GRM7: variants seen among roughly 807,000 people sequenced by gnomAD.
GRM7 encodes glutamate metabotropic receptor 7.
Under a neutral mutation model 84.5 loss-of-function variants are expected in GRM7, and 35 were observed. That is an observed-to-expected ratio of 0.41 (90% CI 0.32 to 0.55). GRM7 has a LOEUF of 0.55. GRM7 is among the 20% of genes least tolerant of loss of function. The pLI, the probability that GRM7 is intolerant of heterozygous loss-of-function variation, is 0.19. For missense variants in GRM7, 1,003 were observed against 1,194.6 expected (o/e 0.84, Z 2.36); for synonymous variants, 487 against 455.1 (o/e 1.07, Z -0.89).
At chr3:7,195,973 T>G (rs138600923) in intron 2 of GRM7, among the ~76,000 whole-genome samples, 2,085 of 152,230 alleles carry the variant, frequency 0.014, 40 homozygotes, top group African/African-American at 0.046. Context: ...ACAGGTATAC[T>G]TGTATATCTA....
chr3:7,600,349 G>T (rs1460587465), intron 8 of GRM7, among the ~76,000 whole-genome samples: 3 of 152,096 alleles, frequency 2.0e-5, no homozygotes, highest in African/African-American at 7.2e-5. Context: ...TCTCATTTTA[G>T]ATCCCAGGGG....
At chr3:6,966,073 G>A (rs761818239) in intron 1 of GRM7, among the ~76,000 whole-genome samples, 12 of 152,156 alleles carry the variant, frequency 7.9e-5, no homozygotes, top group Non-Finnish European at 1.6e-4. Context: ...CACATATCAC[G>A]AGTGCTATAC....
chr3:6,998,392 G>A (rs1410382478), intron 1 of GRM7, among the ~76,000 whole-genome samples: 1 of 152,198 alleles, frequency 6.6e-6, no homozygotes, highest in East Asian at 1.9e-4. Flanking sequence ...CCCCCCCAAA[G>A]TTGCTTTCAT....
rs114624642 is a variant in GRM7 at position 7,615,449 on chromosome 3, A to C, written c.2451+36092A>C. Among the ~76,000 whole-genome samples the C allele has an allele frequency of 3.1e-3, 477 of 152,034 alleles. 2 individuals are homozygous for C. Among genetic ancestry groups the C allele is most frequent in the Non-Finnish European group, 5.7e-3 (388 of 68,018 alleles). ...TTTACTCTGCCATTAAAACCTCTACACTAAATTCTAAATTTGTTGCCGTTT... is the reference window on the plus strand; with the variant it reads ...TTTACTCTGCCATTAAAACCTCTACCCTAAATTCTAAATTTGTTGCCGTTT... On this transcript the variant is annotated intron_variant, in intron 8 of 9. Coordinates refer to ENST00000357716, the MANE Select transcript of GRM7 (RefSeq NM_000844.4).
intron 8 of GRM7, among the ~76,000 whole-genome samples, chr3:7,656,948 T>G (rs982101346): frequency 2.6e-5 from 4 of 152,202 alleles, no homozygotes; most frequent in Admixed American, 1.3e-4. Flanking sequence ...CTTATGCTAC[T>G]GAAAACATAG....
intron 1 of GRM7, among the ~76,000 whole-genome samples, chr3:6,905,194 A>G (rs942209048): frequency 2.6e-5 from 4 of 152,190 alleles, no homozygotes; most frequent in African/African-American, 9.7e-5. Context: ...CTTATAGATT[A>G]ATATAAGGAG....
intron 2 of GRM7, among the ~76,000 whole-genome samples, chr3:7,200,551 A>G (rs925389790): frequency 6.6e-6 from 1 of 152,186 alleles, no homozygotes; most frequent in Non-Finnish European, 1.5e-5. Flanking sequence ...TCCTTGGATC[A>G]TTCTTGGCTC....
intron 5 of GRM7, among the ~76,000 whole-genome samples, chr3:7,439,040 T>C (rs1373366578): frequency 6.6e-6 from 1 of 152,182 alleles, no homozygotes; most frequent in Non-Finnish European, 1.5e-5. Flanking sequence ...TGGTTGATAG[T>C]TAATGTCATT....
chr3:7,021,201 G>A (rs945877725), intron 1 of GRM7, among the ~76,000 whole-genome samples: 2 of 152,166 alleles, frequency 1.3e-5, no homozygotes, highest in Non-Finnish European at 2.9e-5. Flanking sequence ...TGACATTCAG[G>A]CAACATATAT....
chr3:7,459,082 C>G (rs977586845), intron 6 of GRM7, among the ~76,000 whole-genome samples: 1 of 152,098 alleles, frequency 6.6e-6, no homozygotes, highest in Admixed American at 6.6e-5. Context: ...TAAGAGATCC[C>G]TATTATGATA....
chr3:7,059,920 T>C (rs1697373421), intron 1 of GRM7, among the ~76,000 whole-genome samples: 1 of 151,830 alleles, frequency 6.6e-6, no homozygotes, highest in South Asian at 2.1e-4. Context: ...CTGTTGTTTA[T>C]AAGCTACCCA....
At chr3:6,927,705 A>G (rs17046378) in intron 1 of GRM7, among the ~76,000 whole-genome samples, 2,482 of 152,276 alleles carry the variant, frequency 0.016, 80 homozygotes, top group African/African-American at 0.055. Context: ...TAATGTTAAG[A>G]TATGCTGTTT....
intron 2 of GRM7, among the ~76,000 whole-genome samples, chr3:7,209,157 A>T (rs1190875588): frequency 6.6e-6 from 1 of 152,202 alleles, no homozygotes; most frequent in East Asian, 1.9e-4. Context: ...ATCTCATATA[A>T]TTTATTGAAT....
At chr3:7,566,378 A>G (rs1694269534) in intron 7 of GRM7, among the ~76,000 whole-genome samples, 1 of 152,234 alleles carries the variant, frequency 6.6e-6, no homozygotes, top group Admixed American at 6.5e-5. Context: ...AAATAAATTT[A>G]AAATAACCCA....
chr3:7,298,858 AT>A (rs757895738), intron 3 of GRM7, 33 bp downstream of exon 3: 10 of 1,584,430 alleles, frequency 6.3e-6, no homozygotes, highest in Non-Finnish European at 7.8e-6. Context: ...GTTAATATGC[AT>A]GTTGCAATTT....
chr3:7,353,344 T>C (rs1693244077), intron 4 of GRM7, among the ~76,000 whole-genome samples: 1 of 152,026 alleles, frequency 6.6e-6, no homozygotes, highest in African/African-American at 2.4e-5. Flanking sequence ...GGGTGTGGGA[T>C]AATAGTGGAA....
chr3:7,382,996 C>G (rs1016905345), intron 4 of GRM7, among the ~76,000 whole-genome samples: 1 of 152,054 alleles, frequency 6.6e-6, no homozygotes, highest in African/African-American at 2.4e-5. Context: ...TTCAACCGTA[C>G]CAAGTGGGCC....
chr3:7,709,634 G>A (rs1025792456), intron 9 of GRM7, among the ~76,000 whole-genome samples: 7 of 152,074 alleles, frequency 4.6e-5, no homozygotes, highest in Admixed American at 4.6e-4. Flanking sequence ...TTTCCCAGTA[G>A]GACTCATTTG....
At chr3:7,628,614 T>C (rs78461132) in intron 8 of GRM7, among the ~76,000 whole-genome samples, 4,998 of 152,232 alleles carry the variant, frequency 0.033, 119 homozygotes, top group East Asian at 0.051. Context: ...CTAAGGTTAC[T>C]TCCAATTCAA....
Sources: allele counts gnomAD v4.1 joint callset (sites outside exome capture counted in the v4.1 genomes callset), GRCh38; gene constraint gnomAD v4.1.1; transcripts MANE v1.5; gene names NCBI Gene and HGNC (gene_info 2026-07-23, HGNC 2026-07-21).